The following NBN variants were observed in gnomAD, a reference collection of about 807,000 sequenced individuals.
The protein encoded by NBN is nibrin, also known as Nijmegen breakage syndrome 1 (nibrin).
In NBN, 88 loss-of-function variants were observed where a neutral mutation model predicts 90.8. That is an observed-to-expected ratio of 0.97 (90% CI 0.82 to 1.16). The LOEUF is 1.16. NBN is among the 50% of genes most tolerant of loss of function. The pLI is 0.00. For missense variants in NBN, 894 were observed against 869.6 expected (o/e 1.03, Z -0.35); for synonymous variants, 328 against 295.1 (o/e 1.11, Z -1.14).
chr8:89,976,310 G>A (rs1174001433), intron 5 of NBN, among the ~76,000 whole-genome samples: 1 of 152,120 alleles, frequency 6.6e-6, no homozygotes, highest in Non-Finnish European at 1.5e-5. Flanking sequence ...CAGGGTGGTG[G>A]GAAAAAATGT....
At chr8:89,951,331 A>AAAG (rs1810439572) in intron 11 of NBN, among the ~76,000 whole-genome samples, 2 of 150,964 alleles carry the variant, frequency 1.3e-5, no homozygotes, top group Admixed American at 1.3e-4. Flanking sequence ...AAAAAAAAAA[A>AAAG]GATTAAAGCA....
chr8:89,959,991 T>C (rs1810917889), intron 8 of NBN, among the ~76,000 whole-genome samples: 1 of 152,214 alleles, frequency 6.6e-6, no homozygotes, highest in Admixed American at 6.5e-5. Context: ...TTTCCCTTGT[T>C]AGACTGGTGT....
chr8:89,936,635 T>C (rs1809697045), intron 15 of NBN, among the ~76,000 whole-genome samples: 1 of 152,208 alleles, frequency 6.6e-6, no homozygotes, highest in Non-Finnish European at 1.5e-5. Flanking sequence ...GAAACTTTAA[T>C]CTAGCCTTTT....
intron 10 of NBN, 134 bp downstream of exon 10, chr8:89,955,149 G>T (rs1410864943): frequency 2.4e-6 from 2 of 817,600 alleles, no homozygotes; most frequent in Non-Finnish European, 2.0e-6. Context: ...ATTTCTGAGA[G>T]GGAAAGCGGT....
intron 5 of NBN, among the ~76,000 whole-genome samples, chr8:89,974,253 T>TC (rs1811648507): frequency 1.4e-5 from 2 of 146,554 alleles, no homozygotes; most frequent in Non-Finnish European, 3.0e-5. Flanking sequence ...CTATATGGCT[T>TC]TTTTTTTTTT....
intron 9 of NBN, among the ~76,000 whole-genome samples, chr8:89,957,471 T>C (rs930639205): frequency 6.6e-6 from 1 of 152,198 alleles, no homozygotes; most frequent in Non-Finnish European, 1.5e-5. Context: ...CTAAGGTTAA[T>C]TTATTATTGA....
Position 89,978,625 on chromosome 8 carries a change from T to C in NBN, c.481-302A>G, listed in dbSNP as rs150163091. Among the ~76,000 whole-genome samples the C allele has an allele frequency of 7.8e-3, 1,190 of 152,300 alleles. 13 individuals carry two copies. The highest frequency in any genetic ancestry group is 0.027 in the African/African-American group (1,142 of 41,560). On this transcript the variant is annotated intron_variant, in intron 4 of 15. Transcript: ENST00000265433. ...TGGAACAACATAAAATAAAATTCAA[T>C]TTTAAAATGCATTCCACTTTCGAAG...
intron 13 of NBN, among the ~76,000 whole-genome samples, chr8:89,945,485 G>A (rs1442677389): frequency 1.3e-5 from 2 of 152,242 alleles, no homozygotes; most frequent in Middle Eastern, 3.4e-3. Flanking sequence ...ATGTTATAGA[G>A]GAAAGCAGTT....
At chr8:89,938,723 T>C (rs1203812630) in intron 14 of NBN, among the ~76,000 whole-genome samples, 1 of 152,216 alleles carries the variant, frequency 6.6e-6, no homozygotes, top group Non-Finnish European at 1.5e-5. Context: ...TTGCAGGGAT[T>C]CGATCTTACA....
chr8:89,955,834 T>C (rs1805816), intron 9 of NBN, among the ~76,000 whole-genome samples: 1 of 152,148 alleles, frequency 6.6e-6, no homozygotes, highest in East Asian at 1.9e-4. Context: ...CAACTTAGCA[T>C]AGCCTATTAT....
At chr8:89,946,050 C>T (rs1039642888) in intron 13 of NBN, 90 bp downstream of exon 13, 1 of 1,031,264 alleles carries the variant, frequency 9.7e-7, no homozygotes, top group Non-Finnish European at 1.5e-6. Flanking sequence ...CAGTTTTCAA[C>T]ATAAACTGCT....
chr8:89,980,662 A>T, intron 4 of NBN, 72 bp downstream of exon 4: 1 of 1,318,704 alleles, frequency 7.6e-7, no homozygotes, highest in Non-Finnish European at 1.1e-6. Flanking sequence ...ATTAAAAAAA[A>T]ATCTGTGTAT....
At chr8:89,944,688 C>G (rs1810109118) in intron 13 of NBN, among the ~76,000 whole-genome samples, 1 of 152,190 alleles carries the variant, frequency 6.6e-6, no homozygotes, top group East Asian at 1.9e-4. Flanking sequence ...AATGATCCTT[C>G]AACTTCAGCC....
chr8:89,953,426 C>T lies in NBN; in HGVS notation c.1663G>A (p.Asp555Asn). The T allele has an allele frequency of 6.2e-7, 1 of 1,613,832 alleles. No homozygotes were observed. The highest frequency in any genetic ancestry group is 8.5e-7 in the Non-Finnish European group (1 of 1,179,862). The stretch of plus-strand genomic sequence containing the variant: ...AATACTTCATCTTCTATGGCCACAT[C>T]ATCCATTTCCCTTTTTTTATTTGAT... ...LRSNKKREMD[D>N]VAIEDEVLEQ... The change falls in exon 11 of 16, where the codon GAT becomes AAT. Residue 555 changes from aspartate (D) to asparagine (N), a missense_variant. Physicochemically the swap from Asp to Asn is conservative, Grantham distance 23. Transcript: ENST00000265433.
Position 89,955,355 on chromosome 8 carries a change from CT to C in NBN, c.1324del (p.Ser442ValfsTer42), listed in dbSNP as rs1307909200. 6.2e-7 allele frequency: 1 copy of C among 1,613,740 alleles called. No individual in the cohort carries two copies. The highest frequency in any genetic ancestry group is 1.1e-5 in the South Asian group (1 of 91,060). ...CTGCTGCTGAGAAGCCCTATCTTTA[CT>C]TTTATTTATACTTGGCAATTTAGTT... ...SPTKLPSINK[S>X]KDRASQQQQT... On this transcript the variant is annotated frameshift_variant, in exon 10 of 16. Transcript: ENST00000265433. LOFTEE classifies it high-confidence loss of function.
rs149234215 is a variant in NBN at position 89,980,395 on chromosome 8, C to T, written c.480+339G>A. ...AGACATGAGATGCAAACTTTGAAGACTGGCAGTTAATCTCTAGTTGCGTTG... is the reference window on the plus strand; with the variant it reads ...AGACATGAGATGCAAACTTTGAAGATTGGCAGTTAATCTCTAGTTGCGTTG... On this transcript the variant is annotated intron_variant, in intron 4 of 15. Transcript: ENST00000265433. Among the ~76,000 whole-genome samples the T allele has an allele frequency of 1.1e-3, 171 of 151,728 alleles. 1 individual carries two copies. Among genetic ancestry groups the T allele is most frequent in the Middle Eastern group, 3.4e-3 (1 of 294 alleles).
chr8:89,946,811 T>C (rs1488436436), intron 12 of NBN, among the ~76,000 whole-genome samples: 6 of 152,318 alleles, frequency 3.9e-5, no homozygotes, highest in Non-Finnish European at 8.8e-5. Flanking sequence ...ATCTCATTAA[T>C]TGACAAGCCA....
chr8:89,956,395 C>T (rs538749181), intron 9 of NBN, among the ~76,000 whole-genome samples: 9 of 151,978 alleles, frequency 5.9e-5, no homozygotes, highest in Middle Eastern at 3.4e-3. Context: ...AAAAAACATA[C>T]GGTTGTAAAT....
intron 11 of NBN, among the ~76,000 whole-genome samples, chr8:89,951,024 A>G (rs1810421069): frequency 6.6e-6 from 1 of 152,122 alleles, no homozygotes; most frequent in Non-Finnish European, 1.5e-5. Context: ...TTTAAGGGAA[A>G]AAAAGTGGGG....
Sources: gnomAD v4.1 joint callset for allele counts (sites outside exome capture counted in the v4.1 genomes callset) on GRCh38, gnomAD v4.1.1 for gene constraint, MANE v1.5 for transcripts, NCBI Gene and HGNC (gene_info 2026-07-23, HGNC 2026-07-21) for gene names.